The following HERC1 variants were observed in gnomAD, a reference collection of about 807,000 sequenced individuals.
HERC1 encodes the protein probable E3 ubiquitin-protein ligase HERC1.
A neutral mutation model predicts 554.3 loss-of-function variants in HERC1; 160 were observed. The observed-to-expected ratio is 0.29, with a 90% CI of 0.25 to 0.33. The LOEUF is 0.33. HERC1 is among the 10% of genes least tolerant of loss of function. The pLI is 1.00. For missense variants in HERC1, 4,919 were observed against 5,918.5 expected, an observed-to-expected ratio of 0.83 and a Z score of 5.54; for synonymous variants, 2,175 against 2,131.7, an observed-to-expected ratio of 1.02 and a Z score of -0.56.
Position 63,764,201 on chromosome 15 carries a change from A to G in HERC1, c.931-10T>C, listed in dbSNP as rs779472825. On this transcript the variant is annotated splice_polypyrimidine_tract_variant and intron_variant, in intron 2 of 77. Coordinates refer to ENST00000443617, the MANE Select transcript of HERC1 (RefSeq NM_003922.4). Reference sequence around the variant, plus strand: ...GATCAGCAGATGAACCCTATAATTAAAACATTGCGGGACACAGCGTAGGAA... The same window carrying G: ...GATCAGCAGATGAACCCTATAATTAGAACATTGCGGGACACAGCGTAGGAA... The G allele has an allele frequency of 1.3e-6, 2 of 1,584,544 alleles. No individual in the cohort carries two copies. Among genetic ancestry groups the G allele is most frequent in the Non-Finnish European group, 1.7e-6 (2 of 1,157,460 alleles).
At chr15:63,722,750 G>A (rs1175849468) in intron 19 of HERC1, among the ~76,000 whole-genome samples, 2 of 152,100 alleles carry the variant, frequency 1.3e-5, no homozygotes, top group South Asian at 2.1e-4. Flanking sequence ...TATTACTGTT[G>A]TTGTTAATGT....
At chr15:63,635,648 T>C (rs2068748055) in intron 65 of HERC1, among the ~76,000 whole-genome samples, 1 of 152,232 alleles carries the variant, frequency 6.6e-6, no homozygotes, top group Non-Finnish European at 1.5e-5. Flanking sequence ...TATCTGTGTA[T>C]TAAGAACTGT....
chr15:63,654,384 A>T (rs2069887554), intron 50 of HERC1, 60 bp from the exon 51 acceptor site: 1 of 1,272,130 alleles, frequency 7.9e-7, no homozygotes, highest in South Asian at 1.3e-5. Flanking sequence ...ACCTGCTTAA[A>T]CAAAACATGA....
chr15:63,723,327 T>G lies in HERC1; in HGVS notation c.3597A>C (p.Val1199=). 1 of 1,590,122 alleles carries G rather than the reference T, an allele frequency of 6.3e-7. No homozygotes were observed. The highest frequency in any genetic ancestry group is 8.6e-7 in the Non-Finnish European group (1 of 1,168,108). ...LDKCMSCLLE[V]ALSGNEEQKP... The stretch of plus-strand genomic sequence containing the variant: ...TCTGTTCTTCATTTCCAGAAAGTGC[T>G]ACTTCTAACAGGCAACTCATACATT... The change falls in exon 19 of 78, where the codon GTA becomes GTC. Residue 1199 remains valine (V), a synonymous_variant. Transcript: ENST00000443617.
At chr15:63,642,899 G>A in intron 59 of HERC1, 58 bp downstream of exon 59, 2 of 1,040,172 alleles carry the variant, frequency 1.9e-6, no homozygotes, top group Non-Finnish European at 3.0e-6. Flanking sequence ...GTTAGACTAT[G>A]ATTTCTAAAG....
At chr15:63,658,144 C>T (rs959732545) in intron 48 of HERC1, among the ~76,000 whole-genome samples, 10 of 152,108 alleles carry the variant, frequency 6.6e-5, no homozygotes, top group African/African-American at 1.4e-4. Flanking sequence ...GGTTCTCATC[C>T]CCTTTTTACA....
At chr15:63,618,489 C>T (rs1164002226) in intron 74 of HERC1, among the ~76,000 whole-genome samples, 1 of 144,136 alleles carries the variant, frequency 6.9e-6, no homozygotes, top group Non-Finnish European at 1.5e-5. Context: ...AATGCGGGCT[C>T]TTTTTTGGTT....
chr15:63,768,259 C>G (rs1314301817), intron 2 of HERC1, among the ~76,000 whole-genome samples: 1 of 152,180 alleles, frequency 6.6e-6, no homozygotes, highest in Non-Finnish European at 1.5e-5. Context: ...TCAATGTTGA[C>G]ACGAATTACC....
chr15:63,695,192 C>T (rs1381522384), intron 27 of HERC1, among the ~76,000 whole-genome samples: 8 of 151,698 alleles, frequency 5.3e-5, no homozygotes, highest in Admixed American at 1.3e-4. Context: ...CATACCACCA[C>T]ACTTGGCTAA....
Position 63,648,201 on chromosome 15 carries a change from T to C in HERC1, c.10748-2A>G. 1 of 1,602,026 alleles carries C rather than the reference T, an allele frequency of 6.2e-7. No homozygotes were observed. The highest frequency in any genetic ancestry group is 2.2e-5 in the East Asian group (1 of 44,702). ...ACCATGCAATGCAAGTAACAGACAC[T>C]AACATGATCAAAACAAAAGAGTAAG... On this transcript the variant is annotated splice_acceptor_variant, in intron 54 of 77. Transcript: ENST00000443617. LOFTEE classifies it high-confidence loss of function.
chr15:63,704,350 C>T (rs1567033037), intron 25 of HERC1, among the ~76,000 whole-genome samples: 1 of 152,066 alleles, frequency 6.6e-6, no homozygotes, highest in Non-Finnish European at 1.5e-5. Context: ...ACATGCTGAC[C>T]TGGTTAACAC....
intron 38 of HERC1, among the ~76,000 whole-genome samples, chr15:63,673,218 A>AT (rs911268583): frequency 1.4e-5 from 2 of 146,398 alleles, no homozygotes; most frequent in South Asian, 2.2e-4. Context: ...GTATTTATAT[A>AT]TTTTTTTTAA....
At position 63,612,693 on chromosome 15, in the gene HERC1, C is replaced by A; in HGVS notation, c.14095-137G>T. 1 of 777,760 alleles carries A rather than the reference C, an allele frequency of 1.3e-6. No homozygotes were observed. Among genetic ancestry groups the A allele is most frequent in the South Asian group, 1.9e-5 (1 of 51,516 alleles). The allele number at this position is 777,760 out of a possible 1,614,324, so 48.2% of individuals were successfully genotyped here. ...TCTACTTGTTTCTCAGACCGCCAGG[C>A]ACGAGAGTCAGTCAAAAAGGCCCAC... is the stretch of plus-strand genomic sequence containing the variant. On this transcript the variant is annotated intron_variant, in intron 76 of 77. Coordinates refer to ENST00000443617, the MANE Select transcript of HERC1 (RefSeq NM_003922.4). This position sits in a 1 kb window ranked among gnomAD's most constrained non-coding sequence, Gnocchi z 5.0.
At chr15:63,721,263 C>T (rs2073806767) in intron 19 of HERC1, among the ~76,000 whole-genome samples, 1 of 152,198 alleles carries the variant, frequency 6.6e-6, no homozygotes, top group South Asian at 2.1e-4. Flanking sequence ...GTGGCTCACA[C>T]CTGTAATCCC....
At chr15:63,769,141 G>C (rs1009989327) in intron 2 of HERC1, among the ~76,000 whole-genome samples, 16 of 152,298 alleles carry the variant, frequency 1.1e-4, no homozygotes, top group Admixed American at 5.2e-4. Flanking sequence ...ACACAGGCCG[G>C]GCACAGTGGT....
chr15:63,701,821 T>C (rs2072736623), intron 25 of HERC1, among the ~76,000 whole-genome samples: 2 of 152,198 alleles, frequency 1.3e-5, no homozygotes, highest in African/African-American at 4.8e-5. Flanking sequence ...ACTTTAATTT[T>C]TTTTTTAAGT....
chr15:63,713,000 A>T, intron 23 of HERC1, 105 bp from the exon 24 acceptor site: 1 of 1,068,412 alleles, frequency 9.4e-7, no homozygotes, highest in South Asian at 1.6e-5. Context: ...CACAGGGAGG[A>T]GTAATGTCAG....
chr15:63,747,145 G>C (rs1182590175), intron 11 of HERC1, 62 bp from the exon 12 acceptor site: 15 of 1,473,434 alleles, frequency 1.0e-5, no homozygotes, highest in Non-Finnish European at 9.2e-7. Flanking sequence ...TATCCAGTTT[G>C]GGTAACATTT....
intron 34 of HERC1, among the ~76,000 whole-genome samples, chr15:63,682,222 A>G (rs1337294338): frequency 6.6e-6 from 1 of 152,224 alleles, no homozygotes; most frequent in Non-Finnish European, 1.5e-5. Context: ...AAAGTTACCT[A>G]TCAATTTTTA....
Sources: gnomAD v4.1 joint callset for allele counts (sites outside exome capture counted in the v4.1 genomes callset) on GRCh38, gnomAD v4.1.1 for gene constraint, Gnocchi (gnomAD v3.1) non-coding constraint, MANE v1.5 for transcripts, NCBI Gene and HGNC (gene_info 2026-07-23, HGNC 2026-07-21) for gene names.